The following KLRG1 variants were observed in gnomAD, a reference collection of about 807,000 sequenced individuals.
The protein encoded by KLRG1 is killer cell lectin like receptor G1.
A neutral mutation model predicts 21.8 loss-of-function variants in KLRG1; 16 were observed. That is an observed-to-expected ratio of 0.73 (90% CI 0.50 to 1.11). The LOEUF (loss-of-function observed/expected upper bound fraction) is 1.11, where lower values mean the gene tolerates loss of function less well. Among genes scored for constraint, KLRG1 ranks in the 50% most tolerant of loss-of-function variants. KLRG1 has a pLI of 0.00. For synonymous variants in KLRG1, 69 were observed against 75.9 expected, an observed-to-expected ratio of 0.91 and a Z score of 0.47; for missense variants, 173 against 218.3, an observed-to-expected ratio of 0.79 and a Z score of 1.31.
chr12:9,018,060 G>A, the KLRG1 span, among the ~76,000 whole-genome samples: 3 of 152,026 alleles, frequency 2.0e-5, no homozygotes, highest in African/African-American at 7.2e-5. Flanking sequence ...CAAAAGAAGT[G>A]AAAACCATAC....
At chr12:9,039,363 G>A in the KLRG1 span, among the ~76,000 whole-genome samples, 114 of 152,286 alleles carry the variant, frequency 7.5e-4, no homozygotes, top group African/African-American at 2.7e-3. Context: ...CAAATAGAAT[G>A]ATTAAAAAGT....
the KLRG1 span, among the ~76,000 whole-genome samples, chr12:9,030,563 C>T: frequency 1.3e-5 from 2 of 152,138 alleles, no homozygotes; most frequent in Admixed American, 6.5e-5. Context: ...CCCACCACCA[C>T]ACCTGGCTAA....
At chr12:9,157,508 G>T in the KLRG1 span, among the ~76,000 whole-genome samples, 2 of 152,130 alleles carry the variant, frequency 1.3e-5, no homozygotes, top group African/African-American at 4.8e-5. Flanking sequence ...AAAATATTTC[G>T]ATCTCTTCCC....
At chr12:9,201,176 G>A in the KLRG1 span, 1 of 1,417,768 alleles carries the variant, frequency 7.1e-7, no homozygotes, top group Non-Finnish European at 9.7e-7. Context: ...AATACAGAAG[G>A]AAGAGAAAAT....
the KLRG1 span, chr12:9,193,970 A>G: frequency 1.8e-6 from 2 of 1,090,438 alleles, no homozygotes; most frequent in South Asian, 2.3e-5. Flanking sequence ...TCAAAGTTAG[A>G]TATCTTCTTA....
chr12:9,191,141 TAGAG>T, the KLRG1 span, among the ~76,000 whole-genome samples: 17 of 152,248 alleles, frequency 1.1e-4, no homozygotes, highest in South Asian at 4.1e-4. Flanking sequence ...TTTTACTATA[TAGAG>T]ATTTTCATAC....
chr12:9,077,844 C>G, the KLRG1 span: 1 of 1,614,126 alleles, frequency 6.2e-7, no homozygotes, highest in East Asian at 2.2e-5. Flanking sequence ...GTCTTCAGAA[C>G]AAAGGCTGTG....
At chr12:9,077,977 C>A in the KLRG1 span, 2 of 1,098,766 alleles carry the variant, frequency 1.8e-6, no homozygotes, top group Non-Finnish European at 2.6e-6. Context: ...ACTTAGAGAG[C>A]TTATCTCCTT....
the KLRG1 span, among the ~76,000 whole-genome samples, chr12:9,200,126 TA>T: frequency 3.2e-4 from 48 of 152,350 alleles, no homozygotes; most frequent in African/African-American, 1.1e-3. Flanking sequence ...CCTAAGATGT[TA>T]AAGCAAAATA....
chr12:8,972,109 GT>G (rs1282161492), intron 1 of KLRG1, among the ~76,000 whole-genome samples: 1 of 152,052 alleles, frequency 6.6e-6, no homozygotes, highest in East Asian at 1.9e-4. Flanking sequence ...TTTCCCCTCT[GT>G]TTTCCTAGAG....
the KLRG1 span, among the ~76,000 whole-genome samples, chr12:9,187,757 C>A: frequency 5.3e-5 from 8 of 152,330 alleles, no homozygotes; most frequent in African/African-American, 1.7e-4. Flanking sequence ...CCTCACATCA[C>A]AACTGAAAGA....
chr12:9,110,599 G>A, the KLRG1 span, among the ~76,000 whole-genome samples: 6 of 151,430 alleles, frequency 4.0e-5, no homozygotes, highest in African/African-American at 1.5e-4. Context: ...ATAATGATAT[G>A]GATAATGATA....
At chr12:9,194,634 T>G in the KLRG1 span, among the ~76,000 whole-genome samples, 1 of 151,928 alleles carries the variant, frequency 6.6e-6, no homozygotes, top group African/African-American at 2.4e-5. Flanking sequence ...CCAGCTAATT[T>G]TTTGTATTTT....
At chr12:8,971,747 T>C (rs978920290) in intron 1 of KLRG1, among the ~76,000 whole-genome samples, 1 of 152,198 alleles carries the variant, frequency 6.6e-6, no homozygotes, top group African/African-American at 2.4e-5. Flanking sequence ...TGCCTCGGCC[T>C]CCCAAAGTGC....
At chr12:8,968,295 T>C (rs1376452664) in intron 1 of KLRG1, among the ~76,000 whole-genome samples, 2 of 150,658 alleles carry the variant, frequency 1.3e-5, no homozygotes, top group Non-Finnish European at 3.0e-5. Context: ...CAAAGAGAGT[T>C]GGAGTGCCTA....
chr12:9,202,688 A>G, the KLRG1 span: 10 of 1,612,662 alleles, frequency 6.2e-6, no homozygotes, highest in Middle Eastern at 5.0e-4. Context: ...TTGGGAGCTA[A>G]AAAGCAAAGG....
At chr12:9,081,181 A>G in the KLRG1 span, among the ~76,000 whole-genome samples, 2 of 152,232 alleles carry the variant, frequency 1.3e-5, no homozygotes, top group African/African-American at 4.8e-5. Context: ...AAACTACTCA[A>G]AAGACAAATA....
chr12:9,162,765 C>CT, the KLRG1 span: 267 of 839,582 alleles, frequency 3.2e-4, no homozygotes, highest in Non-Finnish European at 4.4e-4. Context: ...CCATCCTACT[C>CT]TTTTTTTCCC....
At chr12:9,184,887 A>G in the KLRG1 span, among the ~76,000 whole-genome samples, 1 of 152,306 alleles carries the variant, frequency 6.6e-6, no homozygotes, top group Non-Finnish European at 1.5e-5. Flanking sequence ...TACCACAATC[A>G]AACCTCCAAG....
Sources: gnomAD v4.1 joint callset for allele counts (sites outside exome capture counted in the v4.1 genomes callset) on GRCh38, gnomAD v4.1.1 for gene constraint, MANE v1.5 for transcripts, NCBI Gene and HGNC (gene_info 2026-07-23, HGNC 2026-07-21) for gene names.